The following TUBGCP2 variants were observed in gnomAD, a reference collection of about 807,000 sequenced individuals.
TUBGCP2 encodes gamma-tubulin complex component 2.
A neutral mutation model predicts 92.2 loss-of-function variants in TUBGCP2; 55 were observed. The ratio of observed to expected loss-of-function variants is 0.60; its 90% CI spans 0.48 to 0.75. The LOEUF is 0.75. Ranked by LOEUF, TUBGCP2 falls within the 30% of genes least tolerant of loss-of-function variation. TUBGCP2 has a pLI of 0.00. For synonymous variants in TUBGCP2, 533 were observed against 505.2 expected, an observed-to-expected ratio of 1.06 and a Z score of -0.74; for missense variants, 1,093 against 1,188.9, an observed-to-expected ratio of 0.92 and a Z score of 1.19.
Position 133,279,920 on chromosome 10 carries a change from G to A in TUBGCP2, c.2574-19C>T, listed in dbSNP as rs1287525001. 6.2e-7 allele frequency: 1 copy of A among 1,606,818 alleles called. No individual in the cohort carries two copies. Among genetic ancestry groups the A allele is most frequent in the Non-Finnish European group, 8.5e-7 (1 of 1,177,174 alleles). ...GTCAAGCCTGTGAGGAAGGACAGTGGAGCTGGGGTGCACACCCCTTCTGCG... is the reference window on the plus strand; with the variant it reads ...GTCAAGCCTGTGAGGAAGGACAGTGAAGCTGGGGTGCACACCCCTTCTGCG... On this transcript the variant is annotated intron_variant, in intron 17 of 17. Transcript: ENST00000252936.
intron 15 of TUBGCP2, 71 bp from the exon 16 acceptor site, chr10:133,282,413 C>T: frequency 4.6e-6 from 7 of 1,509,176 alleles, no homozygotes; most frequent in Non-Finnish European, 6.2e-6. Flanking sequence ...AAAAACAAGT[C>T]CTGCAGGCAC....
At position 133,293,024 on chromosome 10, in the gene TUBGCP2, CG is replaced by C. The variant is rs1847398765; in HGVS notation, c.1024+14del. ...CCACCCACCACTGCCCCATGCCCCC[CG>C]GGCGGGCACGCACCGAGGGAGGCCA... On this transcript the variant is annotated intron_variant, in intron 7 of 17. Transcript: ENST00000252936. 3 of 1,611,030 alleles carry C rather than the reference CG, an allele frequency of 1.9e-6. No homozygotes were observed. The Admixed American group carries it at 5.0e-5, about 27-fold the overall frequency.
At position 133,292,732 on chromosome 10, in the gene TUBGCP2, G is replaced by T. The variant is rs749151399; in HGVS notation, c.1025-44C>A. 1.6e-5 allele frequency: 25 copies of T among 1,574,632 alleles called. No homozygotes were observed. In the Admixed American group the frequency reaches 1.8e-4, roughly 11 times the overall value. ...GCTCACTGCTGAGAAGGAAGCGCAC[G>T]CCCAGCCTCTGCCAACAACACTGCT... is the stretch of plus-strand genomic sequence containing the variant. On this transcript the variant is annotated intron_variant, in intron 7 of 17. Coordinates refer to ENST00000252936, the MANE Select transcript of TUBGCP2 (RefSeq NM_006659.4).
Position 133,279,803 on chromosome 10 carries a change from G to A in TUBGCP2, c.2672C>T (p.Pro891Leu), listed in dbSNP as rs763452490. ...TPQVPVLRGP[P>L]APAPRVAVTA... The stretch of plus-strand genomic sequence containing the variant: ...GACTGCGACCCTGGGTGCAGGAGCC[G>A]GGGGCCCCCGCAGGACAGGCACTTG... Residue 891 changes from proline (P) to leucine (L), a missense_variant, in exon 18 of 18, where the codon CCG becomes CTG. Coordinates refer to ENST00000252936, the MANE Select transcript of TUBGCP2 (RefSeq NM_006659.4). 2.5e-5 allele frequency: 40 copies of A among 1,572,708 alleles called. No homozygotes were observed. In the East Asian group the frequency reaches 4.5e-4, roughly 18 times the overall value.
In TUBGCP2 at chr10:133,290,050, G is replaced by A. The variant is rs114186479; in HGVS notation, c.1215-81C>T. On this transcript the variant is annotated intron_variant, in intron 8 of 17. Transcript: ENST00000252936. ...CGACACTTCTCCAGGCCGGCAGCGC[G>A]CAGGGACATTAACAGAGGCCAGCAC... 1.0e-3 allele frequency: 1,557 copies of A among 1,563,728 alleles called. 10 individuals are homozygous for A. In the African/African-American group the frequency reaches 0.017, roughly 17 times the overall value.
At chr10:133,282,454 G>C in intron 15 of TUBGCP2, 112 bp from the exon 16 acceptor site, 1 of 1,394,630 alleles carries the variant, frequency 7.2e-7, no homozygotes, top group Non-Finnish European at 9.4e-7. Context: ...TGTAGCCTGC[G>C]GCTGGGGGTA....
At chr10:133,309,080 A>G, upstream of TUBGCP2, 1 of 1,301,798 alleles carries the variant, frequency 7.7e-7, no homozygotes, top group Non-Finnish European at 9.8e-7. Context: ...TTCCCGCGGG[A>G]GCACCAGTTC....
rs1847711769 is a variant in TUBGCP2, at chr10:133,302,992, A to T, written c.-39-12T>A. ...CACAATATGTTCTCCTATAGGTAAG[A>T]AGACAGCTATTCATAAAATTCAAAC... On this transcript the variant is annotated splice_polypyrimidine_tract_variant and intron_variant, in intron 1 of 17. Transcript: ENST00000252936. The T allele has an allele frequency of 6.2e-7, 1 of 1,603,784 alleles. No individual in the cohort carries two copies. Among genetic ancestry groups the T allele is most frequent in the Non-Finnish European group, 8.5e-7 (1 of 1,171,300 alleles).
rs778350497 is a variant in TUBGCP2 at position 133,299,467 on chromosome 10, T to C, written c.416A>G (p.Lys139Arg). The C allele has an allele frequency of 6.2e-7, 1 of 1,611,280 alleles. No homozygotes were observed. The highest frequency in any genetic ancestry group is 1.7e-5 in the Admixed American group (1 of 59,970). ...ISMQELEELR[K>R]QLGSVATGST... ...GCCTGTGGCCACGCTGCCAAGCTGC[T>C]TCCTCAGTTCCTCAAGCTCCTGCAT... Residue 139 changes from lysine to arginine, a missense_variant, in exon 4 of 18, where the codon AAG becomes AGG. Transcript: ENST00000252936.
chr10:133,287,906 C>G (rs925360555), intron 11 of TUBGCP2, among the ~76,000 whole-genome samples: 1 of 152,216 alleles, frequency 6.6e-6, no homozygotes, highest in Admixed American at 6.5e-5. Context: ...CAGGCCCGGA[C>G]GAGGGCACTG....
chr10:133,282,437 C>T (rs1300767691), intron 15 of TUBGCP2, 95 bp from the exon 16 acceptor site: 8 of 1,465,648 alleles, frequency 5.5e-6, no homozygotes, highest in South Asian at 1.4e-5. Flanking sequence ...ACCCTCCGCA[C>T]CTCTGTTGTA....
Position 133,283,014 on chromosome 10 carries a change from C to T in TUBGCP2, c.2289+64G>A, listed in dbSNP as rs979330536. The T allele has an allele frequency of 2.5e-4, 399 of 1,592,796 alleles. 1 individual carries two copies. Among genetic ancestry groups the T allele is most frequent in the Non-Finnish European group, 3.1e-4 (364 of 1,165,786 alleles). ...AACGTGAGCAGGCTGCGTGCGGCCA[C>T]GGTCGGGACATGGTCTGCCCACCCG... On this transcript the variant is annotated intron_variant, in intron 15 of 17. Coordinates refer to ENST00000252936, the MANE Select transcript of TUBGCP2 (RefSeq NM_006659.4).
intron 8 of TUBGCP2, chr10:133,290,492 AAAAAAAAAAAG>A (rs1417156455): frequency 6.8e-6 from 1 of 147,034 alleles, no homozygotes; most frequent in African/African-American, 2.5e-5. Flanking sequence ...ACTCTGCCTC[AAAAAAAAAAAG>A]AAAAAAAAAA....
Position 133,299,531 on chromosome 10 carries a change from T to A in TUBGCP2, c.352A>T (p.Thr118Ser). ...GCCGCGGCAGGGACGTTGATGCTGGTGGTACTGCTGCCCACAGCAGCGGCT... is the reference window on the plus strand; with the variant it reads ...GCCGCGGCAGGGACGTTGATGCTGGAGGTACTGCTGCCCACAGCAGCGGCT... ...LAAAAVGSST[T>S]SINVPAAASK... Residue 118 changes from threonine to serine, a missense_variant, in exon 4 of 18, where the codon ACC (threonine) becomes TCC (serine). Physicochemically the swap from Thr to Ser is moderately conservative, Grantham distance 58. This residue lies in a region of TUBGCP2 where 490 missense variants were observed against 488.5 expected (regional missense o/e 1.00). Coordinates refer to ENST00000252936, the MANE Select transcript of TUBGCP2 (RefSeq NM_006659.4). 1 of 1,613,856 alleles carries A rather than the reference T, an allele frequency of 6.2e-7. No individual in the cohort carries two copies. Among genetic ancestry groups the A allele is most frequent in the Non-Finnish European group, 8.5e-7 (1 of 1,179,906 alleles).
At chr10:133,309,954 A>T (rs773273565), upstream of TUBGCP2, 15 of 1,613,082 alleles carry the variant, frequency 9.3e-6, no homozygotes, top group East Asian at 3.3e-4. Flanking sequence ...GCTCTTCCAG[A>T]TCCTGTCTGA....
rs919454675 is a variant in TUBGCP2, at chr10:133,279,403, C to T, written c.*363G>A. ...CGGTTCCGACAGACCTCAGGAAGCC[C>T]GGCCCCAGCTCACCCGGAAAGATGT... On this transcript the variant is annotated 3_prime_UTR_variant, in exon 18 of 18. Coordinates refer to ENST00000252936, the MANE Select transcript of TUBGCP2 (RefSeq NM_006659.4). 13 of 220,228 alleles carry T rather than the reference C, an allele frequency of 5.9e-5. 1 individual carries two copies. Among genetic ancestry groups the T allele is most frequent in the Non-Finnish European group, 9.0e-5 (10 of 111,282 alleles). 13.6% of individuals were successfully genotyped at this position (220,228 alleles called of 1,614,324 possible). A position where few individuals can be genotyped will look rare whatever the true frequency, so the allele number is the denominator to read the frequency against.
At chr10:133,298,220 T>C (rs1158679272) in intron 4 of TUBGCP2, 109 bp from the exon 5 acceptor site, 2 of 1,204,736 alleles carry the variant, frequency 1.7e-6, no homozygotes, top group Non-Finnish European at 1.2e-6. Context: ...GATTACTCAA[T>C]TCAACACCCA....
At position 133,279,378 on chromosome 10, in the gene TUBGCP2, C is replaced by T. The variant is rs1469359498; in HGVS notation, c.*388G>A. 3.6e-5 allele frequency: 7 copies of T among 195,970 alleles called. No homozygotes were observed. Among genetic ancestry groups the T allele is most frequent in the Admixed American group, 1.2e-4 (2 of 16,010 alleles). 12.1% of individuals were successfully genotyped at this position (195,970 alleles called of 1,614,324 possible). A position where few individuals can be genotyped will look rare whatever the true frequency, so the allele number is the denominator to read the frequency against. On this transcript the variant is annotated 3_prime_UTR_variant, in exon 18 of 18. Coordinates refer to ENST00000252936, the MANE Select transcript of TUBGCP2 (RefSeq NM_006659.4). ...CCTGACCGTTTCCAGAGGCTTGTCC[C>T]GGTTCCGACAGACCTCAGGAAGCCC...
At chr10:133,289,061 C>T (rs766339269) in intron 9 of TUBGCP2, 41 bp from the exon 10 acceptor site, 9 of 1,584,700 alleles carry the variant, frequency 5.7e-6, no homozygotes, top group Middle Eastern at 1.7e-4. Flanking sequence ...TCCACATGGT[C>T]GATCTCAGGC....
Sources: gnomAD v4.1 joint callset for allele counts (sites outside exome capture counted in the v4.1 genomes callset) on GRCh38, gnomAD v4.1.1 for gene constraint, gnomAD v4.1.1 regional missense constraint, MANE v1.5 for transcripts, NCBI Gene and HGNC (gene_info 2026-07-23, HGNC 2026-07-21) for gene names.